Variants in RASEF observed in about 807,000 individuals in gnomAD.
RASEF encodes RAS and EF-hand domain containing, also known as ras and EF-hand domain-containing protein.
Under a neutral mutation model 90.1 loss-of-function variants are expected in RASEF, and 68 were observed. The observed-to-expected ratio is 0.75, with a 90% CI of 0.62 to 0.92. The LOEUF (loss-of-function observed/expected upper bound fraction) is 0.92. Ranked by LOEUF, RASEF falls within the 40% of genes least tolerant of loss-of-function variation. The pLI is 0.00. For synonymous variants in RASEF, 331 were observed against 345.2 expected (o/e 0.96, Z 0.46); for missense variants, 949 against 937.2 (o/e 1.01, Z -0.16).
rs770081721 is a variant in RASEF at position 82,998,404 on chromosome 9, C to G, written c.1766G>C (p.Arg589Pro). 6.2e-7 allele frequency: 1 copy of G among 1,613,242 alleles called. No individual in the cohort carries two copies. The highest frequency in any genetic ancestry group is 8.5e-7 in the Non-Finnish European group (1 of 1,179,236). Residue 589 changes from arginine to proline, a missense_variant, in exon 13 of 17, where the codon CGA (arginine) becomes CCA (proline). Transcript: ENST00000376447. Reference protein sequence around the residue: ...QMKTLIVDGERTVLQLWDTAG... With the variant: ...QMKTLIVDGEPTVLQLWDTAG... ...TGTATCCCAGAGCTGCAGAACTGTT[C>G]GTTCTCCATCCACAATGAGGGTTTT...
chr9:83,175,586 CTT>C, the RASEF span, among the ~76,000 whole-genome samples: 1 of 143,018 alleles, frequency 7.0e-6, no homozygotes, highest in Admixed American at 7.0e-5. Context: ...TATTTCAATC[CTT>C]TTTTTTTTTT....
rs1308951641 is a variant in RASEF, at chr9:83,009,734, T to G, written c.866A>C (p.Asp289Ala). Residue 289 changes from aspartate (D) to alanine (A), a missense_variant, in exon 6 of 17, where the codon GAC (aspartate) becomes GCC (alanine). Physicochemically the swap from Asp to Ala is moderately radical, Grantham distance 126 (BLOSUM62 -2). Around this residue, in one of 3 missense-constraint regions of RASEF, gnomAD observed 656 missense variants for 592.2 expected, o/e 1.11. Coordinates refer to ENST00000376447, the MANE Select transcript of RASEF (RefSeq NM_152573.4). Reference protein sequence around the residue: ...LSMENQKVKKDLLEAQTNIAF... With the variant: ...LSMENQKVKKALLEAQTNIAF... ...TATGTTTGTCTGTGCTTCTAAAAGG[T>G]CTTTCTTAACTTTCTGGTTTTCCTG... is the stretch of plus-strand genomic sequence containing the variant. The G allele has an allele frequency of 6.2e-7, 1 of 1,612,710 alleles. No individual in the cohort carries two copies.
the RASEF span, among the ~76,000 whole-genome samples, chr9:83,086,329 A>C: frequency 6.6e-6 from 1 of 152,188 alleles, no homozygotes; most frequent in Non-Finnish European, 1.5e-5. Flanking sequence ...TGTTAAAATA[A>C]ATATCCATAA....
intron 1 of RASEF, among the ~76,000 whole-genome samples, chr9:83,059,190 A>C (rs76804330): frequency 0.014 from 2,087 of 151,990 alleles, 40 homozygotes; most frequent in African/African-American, 0.048. Flanking sequence ...GTTGAGAAAA[A>C]ACTGAAAAGT....
chr9:82,990,274 G>T, intron 16 of RASEF, 117 bp downstream of exon 16: 1 of 676,586 alleles, frequency 1.5e-6, no homozygotes, highest in Non-Finnish European at 2.6e-6. Context: ...CTCCCACCAT[G>T]ACTGACAGAT....
At chr9:83,013,883 A>G (rs1829294823) in intron 4 of RASEF, among the ~76,000 whole-genome samples, 1 of 152,234 alleles carries the variant, frequency 6.6e-6, no homozygotes, top group Non-Finnish European at 1.5e-5. Flanking sequence ...ATTGCATTTT[A>G]TAGATCAGAA....
rs545321309 is a variant in RASEF at position 83,049,407 on chromosome 9, A to T, written c.431+13030T>A. The T allele has an allele frequency of 1.5e-5, 13 of 848,904 alleles. No individual in the cohort carries two copies. The South Asian group carries it at 4.9e-4, about 32-fold the overall frequency. The allele number at this position is 848,904 out of a possible 1,614,324, so 52.6% of individuals were successfully genotyped here. A position where few individuals can be genotyped will look rare whatever the true frequency, so the allele number is the denominator to read the frequency against. On this transcript the variant is annotated intron_variant, in intron 1 of 16. Coordinates refer to ENST00000376447, the MANE Select transcript of RASEF (RefSeq NM_152573.4). ...TGGCTATCTTGAACACATTTCTATGATCAAAAGCCCATTCTCCCATCACTT... is the reference window on the plus strand; with the variant it reads ...TGGCTATCTTGAACACATTTCTATGTTCAAAAGCCCATTCTCCCATCACTT...
At chr9:83,066,323 A>G (rs1425636055), upstream of RASEF, among the ~76,000 whole-genome samples, 1 of 152,216 alleles carries the variant, frequency 6.6e-6, no homozygotes, top group African/African-American at 2.4e-5. Flanking sequence ...AAACGTTTAC[A>G]CAATTGCATT....
In RASEF at chr9:82,982,794, AT is replaced by A; in HGVS notation, c.2118-13del. The A allele has an allele frequency of 4.3e-6, 6 of 1,380,886 alleles. No homozygotes were observed. Among genetic ancestry groups the A allele is most frequent in the Non-Finnish European group, 5.1e-6 (5 of 983,098 alleles). The allele number at this position is 1,380,886 out of a possible 1,614,324, so 85.5% of individuals were successfully genotyped here. On this transcript the variant is annotated splice_polypyrimidine_tract_variant and intron_variant, in intron 16 of 16. Coordinates refer to ENST00000376447, the MANE Select transcript of RASEF (RefSeq NM_152573.4). ...TCTTTTTCACTTCTCTGAGACAGAG[AT>A]AGAGAGAGACAGAGAGAGAGAGAGA...
chr9:83,062,341 G>T (rs936961742), intron 1 of RASEF, 96 bp downstream of exon 1: 2 of 182,118 alleles, frequency 1.1e-5, no homozygotes, highest in South Asian at 1.8e-4. Flanking sequence ...AGAAGACTAG[G>T]GGGGGGGGCC....
At chr9:83,093,110 G>A in the RASEF span, among the ~76,000 whole-genome samples, 3 of 152,158 alleles carry the variant, frequency 2.0e-5, no homozygotes, top group Non-Finnish European at 4.4e-5. Context: ...TAGACACAGG[G>A]TGCTGATTGG....
chr9:83,007,299 C>T (rs1163645359), intron 7 of RASEF, 138 bp downstream of exon 7: 2 of 692,776 alleles, frequency 2.9e-6, no homozygotes, highest in Non-Finnish European at 5.2e-6. Context: ...GCCAAGTGCA[C>T]ACCCTGAGAA....
At chr9:83,077,333 T>A in the RASEF span, among the ~76,000 whole-genome samples, 4 of 152,258 alleles carry the variant, frequency 2.6e-5, no homozygotes, top group African/African-American at 9.6e-5. Flanking sequence ...ACATGCCAAA[T>A]TAATATGACA....
Position 83,000,858 on chromosome 9 carries a change from G to A in RASEF, c.1437+38C>T, listed in dbSNP as rs76525356. 2.5e-4 allele frequency: 378 copies of A among 1,516,122 alleles called. 3 individuals are homozygous for A. The African/African-American group carries it at 2.7e-3, about 11-fold the overall frequency. The allele number at this position is 1,516,122 out of a possible 1,614,324, so 93.9% of individuals were successfully genotyped here. A position where few individuals can be genotyped will look rare whatever the true frequency, so the allele number is the denominator to read the frequency against. On this transcript the variant is annotated intron_variant, in intron 10 of 16. Coordinates refer to ENST00000376447, the MANE Select transcript of RASEF (RefSeq NM_152573.4). The stretch of plus-strand genomic sequence containing the variant: ...AAATAAGGTGACAGATTTCAATCAC[G>A]TAGAAGGCCTAGGAGAGCAGTGGTT...
chr9:83,205,229 A>T, the RASEF span, among the ~76,000 whole-genome samples: 1 of 152,358 alleles, frequency 6.6e-6, no homozygotes, highest in South Asian at 2.1e-4. Flanking sequence ...CCATCTTGGA[A>T]GGAGAGCAAA....
chr9:83,048,969 C>G (rs1307146232), intron 1 of RASEF, among the ~76,000 whole-genome samples: 1 of 151,856 alleles, frequency 6.6e-6, no homozygotes, highest in African/African-American at 2.4e-5. Flanking sequence ...ACTAAAAATA[C>G]AAAAATTAGC....
chr9:83,030,436 C>T (rs1344672520), intron 1 of RASEF, among the ~76,000 whole-genome samples: 1 of 151,958 alleles, frequency 6.6e-6, no homozygotes, highest in Admixed American at 6.6e-5. Flanking sequence ...CAGAAGTACA[C>T]ATCTCAGTAG....
At chr9:83,022,899 C>A (rs1391577384) in intron 2 of RASEF, among the ~76,000 whole-genome samples, 1 of 152,132 alleles carries the variant, frequency 6.6e-6, no homozygotes, top group African/African-American at 2.4e-5. Flanking sequence ...GGATTATATT[C>A]TTATGGGACC....
chr9:83,166,563 G>A, the RASEF span, among the ~76,000 whole-genome samples: 2 of 152,118 alleles, frequency 1.3e-5, no homozygotes, highest in Non-Finnish European at 1.5e-5. Flanking sequence ...CCAGACAGCC[G>A]GGGTGTAAAA....
Sources: gnomAD v4.1 joint callset for allele counts (sites outside exome capture counted in the v4.1 genomes callset) on GRCh38, gnomAD v4.1.1 for gene constraint, gnomAD v4.1.1 regional missense constraint, MANE v1.5 for transcripts, NCBI Gene and HGNC (gene_info 2026-07-23, HGNC 2026-07-21) for gene names.